The following SCIN variants were observed in gnomAD, a reference collection of about 807,000 sequenced individuals.
The protein encoded by SCIN is scinderin.
SCIN carries 91 observed loss-of-function variants against 91.8 expected under a neutral mutation model. The ratio of observed to expected loss-of-function variants is 0.99; its 90% CI spans 0.84 to 1.18. The LOEUF (loss-of-function observed/expected upper bound fraction) is 1.18. Ranked by LOEUF, SCIN falls within the 50% of genes most tolerant of loss-of-function variation. The probability of loss-of-function intolerance (pLI) is 0.00; values close to 1 mark genes in which losing one functional copy is unlikely to be tolerated. For missense variants in SCIN, 1,087 were observed against 863.9 expected, an observed-to-expected ratio of 1.26 and a Z score of -3.24; for synonymous variants, 367 against 312.6, an observed-to-expected ratio of 1.17 and a Z score of -1.84.
Position 12,581,168 on chromosome 7 carries a change from C to T in SCIN, c.463C>T (p.Leu155Phe). The T allele has an allele frequency of 1.3e-6, 2 of 1,551,496 alleles. No individual in the cohort carries two copies. The highest frequency in any genetic ancestry group is 1.2e-5 in the South Asian group (1 of 84,050). Residue 155 changes from leucine (L) to phenylalanine (F), a missense_variant, in exon 3 of 16, where the codon CTT becomes TTT. By Grantham distance (22) the Leu-to-Phe change is conservative. Coordinates refer to ENST00000297029, the MANE Select transcript of SCIN (RefSeq NM_001112706.3). ...RRVVRATEVP[L>F]SWDSFNKGDC... ...AGTGGTGAGAGCCACAGAAGTTCCCCTTAGCTGGGACAGTTTCAACAAGGG... is the reference window on the plus strand; with the variant it reads ...AGTGGTGAGAGCCACAGAAGTTCCCTTTAGCTGGGACAGTTTCAACAAGGG...
intron 4 of SCIN, among the ~76,000 whole-genome samples, chr7:12,606,243 C>G (rs1029681080): frequency 6.6e-6 from 1 of 152,084 alleles, no homozygotes; most frequent in Non-Finnish European, 1.5e-5. Context: ...TTTGAAACTT[C>G]TGCGTTTAAT....
At chr7:12,581,951 G>A (rs180700403) in intron 3 of SCIN, among the ~76,000 whole-genome samples, 1 of 152,294 alleles carries the variant, frequency 6.6e-6, no homozygotes, top group Non-Finnish European at 1.5e-5. Context: ...AAAGCCATGT[G>A]CAAAAGCAAT....
chr7:12,629,121 T>G lies in SCIN; in HGVS notation c.1218T>G (p.Asn406Lys). 2 of 1,612,822 alleles carry G rather than the reference T, an allele frequency of 1.2e-6. No homozygotes were observed. The highest frequency in any genetic ancestry group is 3.3e-4 in the Middle Eastern group (2 of 6,060). Residue 406 changes from asparagine to lysine, a missense_variant, in exon 9 of 16, where the codon AAT becomes AAG. Transcript: ENST00000297029. Reference protein sequence around the residue: ...GKVEIWRVENNGRIQVDQNSY... With the variant: ...GKVEIWRVENKGRIQVDQNSY... ...TCCAGATTTGGCGTGTAGAAAACAA[T>G]GGTAGGATCCAAGTTGACCAAAACT...
At chr7:12,641,238 G>C (rs1783852082) in intron 11 of SCIN, among the ~76,000 whole-genome samples, 1 of 152,154 alleles carries the variant, frequency 6.6e-6, no homozygotes. Context: ...ACTTGGGTTG[G>C]TCATCTCATC....
intron 11 of SCIN, among the ~76,000 whole-genome samples, chr7:12,642,222 T>A (rs896064764): frequency 9.9e-5 from 15 of 152,094 alleles, no homozygotes; most frequent in African/African-American, 3.6e-4. Context: ...GGCCACCAAC[T>A]TCTGTCCGGA....
In SCIN at chr7:12,581,236, T is replaced by C; in HGVS notation, c.516+15T>C. On this transcript the variant is annotated intron_variant, in intron 3 of 15. Coordinates refer to ENST00000297029, the MANE Select transcript of SCIN (RefSeq NM_001112706.3). ...ACCTTGGCACCGTAAGTTTCATATA[T>C]ACACATCGATGTCTAAAGAAAAGTG... 6.5e-7 allele frequency: 1 copy of C among 1,548,662 alleles called. No individual in the cohort carries two copies. The highest frequency in any genetic ancestry group is 8.7e-7 in the Non-Finnish European group (1 of 1,144,946).
chr7:12,584,721 C>A (rs1026090212), intron 3 of SCIN, among the ~76,000 whole-genome samples: 2 of 152,100 alleles, frequency 1.3e-5, no homozygotes, highest in South Asian at 4.1e-4. Context: ...CACTTTTGAA[C>A]AATATATTTT....
At chr7:12,626,898 T>C (rs1783537063) in intron 8 of SCIN, 99 bp downstream of exon 8, 1 of 1,050,756 alleles carries the variant, frequency 9.5e-7, no homozygotes, top group South Asian at 1.6e-5. Context: ...GAGATCAGCC[T>C]GGCCAACATG....
At chr7:12,647,822 G>C (rs924864731) in intron 13 of SCIN, among the ~76,000 whole-genome samples, 1 of 152,144 alleles carries the variant, frequency 6.6e-6, no homozygotes, top group African/African-American at 2.4e-5. Flanking sequence ...GATGTCTGCA[G>C]GCTGCCAGGA....
intron 3 of SCIN, among the ~76,000 whole-genome samples, chr7:12,600,404 C>T (rs879279800): frequency 6.6e-6 from 1 of 152,100 alleles, no homozygotes; most frequent in African/African-American, 2.4e-5. Context: ...ACAGTGTAAA[C>T]TGCTCGGGTG....
At chr7:12,571,979 A>T (rs1782281227) in intron 1 of SCIN, among the ~76,000 whole-genome samples, 1 of 152,152 alleles carries the variant, frequency 6.6e-6, no homozygotes, top group Admixed American at 6.5e-5. Flanking sequence ...CCTGCCCAGT[A>T]CTCGTGTTTG....
chr7:12,579,609 A>G (rs1006101330), intron 2 of SCIN, among the ~76,000 whole-genome samples: 1 of 152,176 alleles, frequency 6.6e-6, no homozygotes, highest in Non-Finnish European at 1.5e-5. Flanking sequence ...GTATTAAGGA[A>G]TAAATTAAAT....
chr7:12,599,254 A>G (rs943643008), intron 3 of SCIN, among the ~76,000 whole-genome samples: 2 of 152,234 alleles, frequency 1.3e-5, no homozygotes, highest in African/African-American at 2.4e-5. Context: ...AATGTAAAAT[A>G]TAATTATTAG....
chr7:12,595,545 T>G (rs1782823258), intron 3 of SCIN: 1 of 152,076 alleles, frequency 6.6e-6, no homozygotes, highest in Non-Finnish European at 1.5e-5. Flanking sequence ...AGAGGGGCAC[T>G]GTTGTCATCT....
At chr7:12,593,417 A>G (rs1457988668) in intron 3 of SCIN, among the ~76,000 whole-genome samples, 1 of 152,228 alleles carries the variant, frequency 6.6e-6, no homozygotes. Context: ...TGTCAGGGGC[A>G]GATTGGGAAA....
In SCIN at chr7:12,655,736, A is replaced by G. The variant is rs1402985917; in HGVS notation, c.*3021A>G. The stretch of plus-strand genomic sequence containing the variant: ...ACAAAAAATATTATATATTTGCCAA[A>G]CGTATGTACTAATCTAAAACCAAAC... On this transcript the variant is annotated 3_prime_UTR_variant, in exon 16 of 16. Coordinates refer to ENST00000297029, the MANE Select transcript of SCIN (RefSeq NM_001112706.3). 6.6e-6 allele frequency: 1 copy of G among 152,198 alleles called. No homozygotes were observed. The highest frequency in any genetic ancestry group is 1.5e-5 in the Non-Finnish European group (1 of 68,038). 9.4% of individuals were successfully genotyped at this position (152,198 alleles called of 1,614,324 possible).
At chr7:12,648,041 C>T (rs1784000802) in intron 13 of SCIN, among the ~76,000 whole-genome samples, 2 of 152,158 alleles carry the variant, frequency 1.3e-5, no homozygotes, top group South Asian at 2.1e-4. Flanking sequence ...GCGTAAGGAT[C>T]AGGGGGGTTT....
chr7:12,570,826 G>A lies in SCIN; in HGVS notation c.40G>A (p.Gly14Ser), dbSNP rs1471676063. 6.4e-7 allele frequency: 1 copy of A among 1,551,470 alleles called. No homozygotes were observed. Among genetic ancestry groups the A allele is most frequent in the African/African-American group, 1.4e-5 (1 of 73,064 alleles). Residue 14 changes from glycine to serine, a missense_variant, in exon 1 of 16, where the codon GGC becomes AGC. By Grantham distance (56) the Gly-to-Ser change is moderately conservative (BLOSUM62 0). Coordinates refer to ENST00000297029, the MANE Select transcript of SCIN (RefSeq NM_001112706.3). ...ATACCACGAAGAGTTCGCCCGGGCG[G>A]GCAAGCAGGCGGGGCTGCAGGTCTG... ...ELYHEEFARA[G>S]KQAGLQVWRI...
At chr7:12,598,719 C>G (rs1782893009) in intron 3 of SCIN, among the ~76,000 whole-genome samples, 1 of 151,936 alleles carries the variant, frequency 6.6e-6, no homozygotes, top group East Asian at 1.9e-4. Context: ...ATGGTAAAAC[C>G]CCATGTCTAC....
Sources: allele counts gnomAD v4.1 joint callset (sites outside exome capture counted in the v4.1 genomes callset), GRCh38; gene constraint gnomAD v4.1.1; transcripts MANE v1.5; gene names NCBI Gene and HGNC (gene_info 2026-07-23, HGNC 2026-07-21).